The following BMPER variants were observed in gnomAD, a reference collection of about 807,000 sequenced individuals.
BMPER encodes BMP-binding endothelial regulator protein.
Under a neutral mutation model 87.3 loss-of-function variants are expected in BMPER, and 45 were observed. That is an observed-to-expected ratio of 0.52 (90% confidence interval 0.41 to 0.66). The LOEUF (loss-of-function observed/expected upper bound fraction) is 0.66, where lower values mean the gene tolerates loss of function less well. BMPER is among the 30% of genes least tolerant of loss of function. The pLI is 0.00. For synonymous variants in BMPER, 326 were observed against 316.2 expected, an observed-to-expected ratio of 1.03 and a Z score of -0.33; for missense variants, 784 against 867.5, an observed-to-expected ratio of 0.90 and a Z score of 1.21.
At chr7:34,009,681 A>G (rs1786827829) in intron 6 of BMPER, among the ~76,000 whole-genome samples, 1 of 152,002 alleles carries the variant, frequency 6.6e-6, no homozygotes, top group Non-Finnish European at 1.5e-5. Flanking sequence ...GAGGGGAGGC[A>G]TCCTTGGACA....
At chr7:33,921,757 T>C (rs1305208941) in intron 2 of BMPER, 1 of 470,808 alleles carries the variant, frequency 2.1e-6, no homozygotes, top group Non-Finnish European at 4.4e-6. Context: ...TGACGTGACG[T>C]TATGTTTGTT....
chr7:33,964,814 A>C lies in BMPER; in HGVS notation c.320-1665A>C, dbSNP rs79250637. Among the ~76,000 whole-genome samples the C allele has an allele frequency of 6.9e-3, 1,058 of 152,328 alleles. 14 individuals carry two copies. Among genetic ancestry groups the C allele is most frequent in the African/African-American group, 0.024 (1,017 of 41,568 alleles). ...AAATCACCCTTTCTTTCAGTTTTTT[A>C]ATTCAGATAATGAAAATATATAACA... On this transcript the variant is annotated intron_variant, in intron 3 of 14. Transcript: ENST00000649409.
Position 34,092,712 on chromosome 7 carries a change from T to C in BMPER, c.1745+6620T>C, listed in dbSNP as rs149607532. ...ACCCAAAACAAGGATCTTAAAAAGC[T>C]TTCTAGCTACCTGAATTTTAGCTTC... is the stretch of plus-strand genomic sequence containing the variant. On this transcript the variant is annotated intron_variant, in intron 13 of 14. Transcript: ENST00000649409. Among the ~76,000 whole-genome samples, 116 of 152,320 alleles carry C rather than the reference T, an allele frequency of 7.6e-4. No individual in the cohort carries two copies. The East Asian group carries it at 0.022, about 29-fold the overall frequency.
intron 12 of BMPER, among the ~76,000 whole-genome samples, chr7:34,084,412 A>T (rs1245481433): frequency 1.3e-5 from 2 of 152,266 alleles, no homozygotes; most frequent in South Asian, 4.2e-4. Flanking sequence ...GTGAATTAGG[A>T]GAAGTCCCAG....
In BMPER at chr7:34,085,939, A is replaced by T. The variant is rs140570715; in HGVS notation, c.1592A>T (p.Asn531Ile). 3.1e-6 allele frequency: 5 copies of T among 1,614,120 alleles called. No homozygotes were observed. The highest frequency in any genetic ancestry group is 4.5e-5 in the East Asian group (2 of 44,866). The change falls in exon 13 of 15, where the codon AAT (asparagine) becomes ATT (isoleucine). Residue 531 changes from asparagine (N) to isoleucine (I), a missense_variant. Coordinates refer to ENST00000649409, the MANE Select transcript of BMPER (RefSeq NM_001365308.1). ...DFAESWRVES[N>I]EFCNRPQRKP... is the part of the protein sequence containing the mutation. ...GCTGAATCTTGGAGGGTGGAGTCCA[A>T]TGAGTTCTGCAACAGACCTCAGAGA... is the stretch of plus-strand genomic sequence containing the variant.
chr7:34,143,538 A>G (rs910808624), intron 14 of BMPER, among the ~76,000 whole-genome samples, 178 bp downstream of exon 14: 2 of 152,236 alleles, frequency 1.3e-5, no homozygotes, highest in African/African-American at 4.8e-5. Context: ...CCCACTGGGC[A>G]AGGTAGACAG....
At chr7:34,005,997 C>T (rs1469408266) in intron 6 of BMPER, among the ~76,000 whole-genome samples, 1 of 151,910 alleles carries the variant, frequency 6.6e-6, no homozygotes, top group Non-Finnish European at 1.5e-5. Context: ...AATTTGCTTT[C>T]CACAAAGATT....
chr7:34,026,232 G>A (rs1225387328), intron 6 of BMPER, among the ~76,000 whole-genome samples: 1 of 152,034 alleles, frequency 6.6e-6, no homozygotes, highest in Non-Finnish European at 1.5e-5. Context: ...TCTGGATTTG[G>A]ATCAGTGGTG....
intron 3 of BMPER, among the ~76,000 whole-genome samples, chr7:33,938,238 G>C (rs1386588231): frequency 2.6e-5 from 4 of 152,174 alleles, no homozygotes; most frequent in South Asian, 2.1e-4. Context: ...TCAGGGTGTG[G>C]GCTCTGGAGT....
chr7:33,928,141 T>G (rs1458092611), intron 2 of BMPER, among the ~76,000 whole-genome samples: 1 of 152,140 alleles, frequency 6.6e-6, no homozygotes, highest in East Asian at 1.9e-4. Context: ...TGTTGGAGTC[T>G]CTTCTGTTAG....
At chr7:34,081,094 C>A (rs1789035733) in intron 12 of BMPER, among the ~76,000 whole-genome samples, 1 of 152,128 alleles carries the variant, frequency 6.6e-6, no homozygotes, top group Admixed American at 6.5e-5. Flanking sequence ...TCACACAAGC[C>A]CTCTGCTTCC....
intron 11 of BMPER, among the ~76,000 whole-genome samples, chr7:34,063,161 A>G (rs1235818539): frequency 6.6e-6 from 1 of 152,192 alleles, no homozygotes; most frequent in Admixed American, 6.5e-5. Flanking sequence ...CATGTATGAT[A>G]AGTAGGATTA....
chr7:33,905,438 T>TCCCCCCCCCCCCCCCCCCAC, upstream of BMPER: 4 of 23,002 alleles, frequency 1.7e-4, no homozygotes, highest in Non-Finnish European at 3.3e-4. Flanking sequence ...CCTTGGTCTC[T>TCCCCCCCCCCCCCCCCCCAC]CCCCCCGCCC....
chr7:34,012,087 A>G (rs565186886), intron 6 of BMPER, among the ~76,000 whole-genome samples: 1 of 152,062 alleles, frequency 6.6e-6, no homozygotes, highest in East Asian at 1.9e-4. Flanking sequence ...AGGAAATAAG[A>G]GAAATCAGTT....
chr7:33,921,428 G>C (rs1429069434), intron 2 of BMPER, among the ~76,000 whole-genome samples: 2 of 152,164 alleles, frequency 1.3e-5, no homozygotes, highest in African/African-American at 4.8e-5. Flanking sequence ...CGAGAGTTGG[G>C]ACTGCAATTC....
chr7:33,937,235 TG>T (rs1784624533), intron 2 of BMPER, 53 bp from the exon 3 acceptor site: 3 of 1,567,780 alleles, frequency 1.9e-6, no homozygotes, highest in South Asian at 2.2e-5. Context: ...TGTTAGGATT[TG>T]GGGAATTCTG....
intron 13 of BMPER, among the ~76,000 whole-genome samples, chr7:34,137,630 A>G (rs754628184): frequency 1.3e-5 from 2 of 152,240 alleles, no homozygotes; most frequent in Non-Finnish European, 2.9e-5. Flanking sequence ...TTTTGGGGCC[A>G]CTTGGCAAGC....
intron 14 of BMPER, among the ~76,000 whole-genome samples, chr7:34,143,643 A>G (rs75562608): frequency 6.6e-6 from 1 of 152,236 alleles, no homozygotes; most frequent in Non-Finnish European, 1.5e-5. Flanking sequence ...CCAGCTGGAT[A>G]TACTTAGCTC....
At chr7:34,153,065 ATGCCTT>A (rs1791221114) in intron 14 of BMPER, 21 bp from the exon 15 acceptor site, 1 of 1,613,506 alleles carries the variant, frequency 6.2e-7, no homozygotes, top group Non-Finnish European at 8.5e-7. Flanking sequence ...TCTCCATGTT[ATGCCTT>A]TGTCTCCTTC....
Sources: gnomAD v4.1 joint callset for allele counts (sites outside exome capture counted in the v4.1 genomes callset) on GRCh38, gnomAD v4.1.1 for gene constraint, MANE v1.5 for transcripts, NCBI Gene and HGNC (gene_info 2026-07-23, HGNC 2026-07-21) for gene names.